Variants in KCNA2 observed in about 807,000 individuals in gnomAD.
KCNA2 encodes the protein potassium channel, voltage gated shaker related subfamily A, member 2.
In KCNA2, 11 loss-of-function variants were observed where a neutral mutation model predicts 33.4. That is an observed-to-expected ratio of 0.33 (90% CI 0.21 to 0.55). The LOEUF (loss-of-function observed/expected upper bound fraction) is 0.55. KCNA2 is among the 20% of genes least tolerant of loss of function. The pLI is 0.93. For missense variants in KCNA2, 291 were observed against 621.6 expected (o/e 0.47, Z 5.66); for synonymous variants, 222 against 231.3 (o/e 0.96, Z 0.37).
chr1:110,617,246 A>G (rs1369606139), intron 1 of KCNA2, among the ~76,000 whole-genome samples: 2 of 152,210 alleles, frequency 1.3e-5, no homozygotes, highest in Admixed American at 1.3e-4. Flanking sequence ...AAATACCCAA[A>G]TGGGTGAGTG....
rs200181637 is a variant in KCNA2 at position 110,603,247 on chromosome 1, G to C, written c.*36C>G. ...AGGCTATTATGCAACATCTGCATTA[G>C]TTCCATTGAGCTGTGAGTACGGTAA... On this transcript the variant is annotated 3_prime_UTR_variant, in exon 3 of 3. Transcript: ENST00000316361. This position sits in a 1 kb window ranked among gnomAD's most constrained non-coding sequence, Gnocchi z 5.7. 79 of 1,564,892 alleles carry C rather than the reference G, an allele frequency of 5.0e-5. No individual in the cohort carries two copies. The African/African-American group carries it at 9.9e-4, about 20-fold the overall frequency.
At position 110,624,213 on chromosome 1, in the gene KCNA2, T is replaced by A. The variant is rs143401039; in HGVS notation, c.-496+7182A>T. Among the ~76,000 whole-genome samples, 1,511 of 152,346 alleles carry A rather than the reference T, an allele frequency of 9.9e-3. 32 individuals carry two copies. The highest frequency in any genetic ancestry group is 0.035 in the African/African-American group (1,443 of 41,574). On this transcript the variant is annotated intron_variant, in intron 1 of 4. Coordinates refer to the KCNA2 transcript ENST00000369770. ...ATGAGAATACTTATAGCAGGAATAG[T>A]CAATATAGCTAGAAACAGAAAGGAA...
In KCNA2 at chr1:110,603,487, C is replaced by T; in HGVS notation, c.1296G>A (p.Val432=). The T allele has an allele frequency of 6.2e-7, 1 of 1,614,016 alleles. No individual in the cohort carries two copies. Among genetic ancestry groups the T allele is most frequent in the South Asian group, 1.1e-5 (1 of 91,038 alleles). ...AGGATGGGATCTTTGGACAGCTTGT[C>T]ACTTGCAAGTATTGGGCCTGTTCCT... ...EGEEQAQYLQ[V]TSCPKIPSSP... The change falls in exon 3 of 3, where the codon GTG becomes GTA. Residue 432 remains valine (V), a synonymous_variant. Coordinates refer to ENST00000316361, the MANE Select transcript of KCNA2 (RefSeq NM_004974.4). This position sits in a 1 kb window ranked among gnomAD's most constrained non-coding sequence, Gnocchi z 5.7.
chr1:110,616,810 A>G (rs979671961), intron 1 of KCNA2, among the ~76,000 whole-genome samples: 2 of 152,248 alleles, frequency 1.3e-5, no homozygotes, highest in Non-Finnish European at 2.9e-5. Flanking sequence ...TGTGGGGGAC[A>G]CACAGAGCGT....
upstream of KCNA2, among the ~76,000 whole-genome samples, chr1:110,610,195 C>T (rs1371027586): frequency 2.0e-5 from 3 of 152,238 alleles, no homozygotes; most frequent in African/African-American, 7.2e-5. Flanking sequence ...GCTGTGGTGG[C>T]TGTCACAGTG....
In KCNA2 at chr1:110,595,579, G is replaced by C; in HGVS notation, c.*7704C>G. On this transcript the variant is annotated 3_prime_UTR_variant, in exon 3 of 3. Transcript: ENST00000316361. ...AGTCAAATGCAAGAGGTGAGGCTGA[G>C]AGAAACTGTCTTCCATGGATCTAAC... The C allele has an allele frequency of 1.0e-6, 1 of 985,482 alleles. No homozygotes were observed. Among genetic ancestry groups the C allele is most frequent in the Non-Finnish European group, 1.2e-6 (1 of 829,986 alleles). 61.0% of individuals were successfully genotyped at this position (985,482 alleles called of 1,614,324 possible).
chr1:110,612,750 A>G (rs1307031891), intron 1 of KCNA2, among the ~76,000 whole-genome samples: 3 of 152,172 alleles, frequency 2.0e-5, no homozygotes, highest in African/African-American at 7.2e-5. Context: ...ATTTCCTAAA[A>G]AGCGAGCAAA....
intron 1 of KCNA2, among the ~76,000 whole-genome samples, chr1:110,626,517 G>A (rs1197201031): frequency 6.6e-6 from 1 of 152,104 alleles, no homozygotes; most frequent in Admixed American, 6.5e-5. Flanking sequence ...GGCGGAGTGA[G>A]AATGAGACAT....
Position 110,598,851 on chromosome 1 carries a change from AG to A in KCNA2, c.*4431del, listed in dbSNP as rs1348938913. On this transcript the variant is annotated 3_prime_UTR_variant, in exon 3 of 3. Transcript: ENST00000316361. ...CTTAATTAAATGTTGGCTCCTAAAA[AG>A]TTTACTCTGAAATTTGACCCACTCA... 2 of 985,190 alleles carry A rather than the reference AG, an allele frequency of 2.0e-6. No individual in the cohort carries two copies. Among genetic ancestry groups the A allele is most frequent in the African/African-American group, 3.5e-5 (2 of 57,198 alleles). The allele number at this position is 985,190 out of a possible 1,614,324, so 61.0% of individuals were successfully genotyped here.
Position 110,605,200 on chromosome 1 carries a change from C to G in KCNA2, c.-164+191G>C, listed in dbSNP as rs192957140. On this transcript the variant is annotated intron_variant, in intron 2 of 2. Coordinates refer to ENST00000316361, the MANE Select transcript of KCNA2 (RefSeq NM_004974.4). ...CTGGTACAGGCCCGCTTGTAGCACACAGGCTTCATGGAGCATAACCCCATG... is the reference window on the plus strand; with the variant it reads ...CTGGTACAGGCCCGCTTGTAGCACAGAGGCTTCATGGAGCATAACCCCATG... 3.3e-3 allele frequency among the ~76,000 whole-genome samples: 504 copies of G among 152,322 alleles called. 14 individuals carry two copies. Among genetic ancestry groups the G allele is most frequent in the Non-Finnish European group, 7.6e-4 (52 of 68,026 alleles).
At chr1:110,618,152 T>C (rs1363611486) in intron 1 of KCNA2, among the ~76,000 whole-genome samples, 1 of 152,100 alleles carries the variant, frequency 6.6e-6, no homozygotes, top group Non-Finnish European at 1.5e-5. Flanking sequence ...AACCAGCTTG[T>C]GCAACATAGT....
At chr1:110,625,158 C>T (rs1650358720) in intron 1 of KCNA2, among the ~76,000 whole-genome samples, 1 of 152,232 alleles carries the variant, frequency 6.6e-6, no homozygotes, top group Non-Finnish European at 1.5e-5. Context: ...TACCTTCAGT[C>T]AGCTTCCCCT....
At chr1:110,618,516 G>A (rs953364898) in intron 1 of KCNA2, among the ~76,000 whole-genome samples, 2 of 152,082 alleles carry the variant, frequency 1.3e-5, no homozygotes, top group Non-Finnish European at 2.9e-5. Context: ...CTTTCCTTTC[G>A]GAGGTAGGAT....
At chr1:110,626,658 C>G (rs1417485602) in intron 1 of KCNA2, among the ~76,000 whole-genome samples, 3 of 152,154 alleles carry the variant, frequency 2.0e-5, no homozygotes, top group Admixed American at 6.5e-5. Flanking sequence ...TATACACAAC[C>G]ATGTTGAAGT....
chr1:110,613,797 C>T (rs183419823), intron 1 of KCNA2, among the ~76,000 whole-genome samples: 251 of 152,286 alleles, frequency 1.6e-3, no homozygotes, highest in Non-Finnish European at 2.8e-3. Flanking sequence ...GCAAGAACCA[C>T]GGTTTGAACT....
In KCNA2 at chr1:110,596,501, C is replaced by T. The variant is rs1009482770; in HGVS notation, c.*6782G>A. On this transcript the variant is annotated 3_prime_UTR_variant, in exon 3 of 3. Coordinates refer to ENST00000316361, the MANE Select transcript of KCNA2 (RefSeq NM_004974.4). ...GGGCTCCGATGAGCCAGGATGTGCC[C>T]CAGTGGCCCATTTCCAGGCCTGTCT... 1.1e-5 allele frequency: 2 copies of T among 176,212 alleles called. No homozygotes were observed. The highest frequency in any genetic ancestry group is 2.4e-5 in the African/African-American group (1 of 41,870). The allele number at this position is 176,212 out of a possible 1,614,324, so 10.9% of individuals were successfully genotyped here.
chr1:110,606,447 C>A (rs1451640655), upstream of KCNA2: 4 of 152,212 alleles, frequency 2.6e-5, no homozygotes, highest in Non-Finnish European at 5.9e-5. Flanking sequence ...GGCCCCCTGC[C>A]GACCCAATCC....
At chr1:110,628,586 G>A (rs1006092127) in intron 1 of KCNA2, among the ~76,000 whole-genome samples, 4 of 152,180 alleles carry the variant, frequency 2.6e-5, no homozygotes, top group Admixed American at 6.5e-5. Context: ...TGCCTGATGG[G>A]GGCCTTGTCC....
In KCNA2 at chr1:110,598,896, CA is replaced by C; in HGVS notation, c.*4386del. 1 of 985,430 alleles carries C rather than the reference CA, an allele frequency of 1.0e-6. No individual in the cohort carries two copies. Among genetic ancestry groups the C allele is most frequent in the Non-Finnish European group, 1.2e-6 (1 of 829,922 alleles). The allele number at this position is 985,430 out of a possible 1,614,324, so 61.0% of individuals were successfully genotyped here. Reference sequence around the variant, plus strand: ...CCACTCAGCCACTCTCTCTTCCTGACAATCTCTCCACCTTTCCTGGGCCTAT... The same window carrying C: ...CCACTCAGCCACTCTCTCTTCCTGACATCTCTCCACCTTTCCTGGGCCTAT... On this transcript the variant is annotated 3_prime_UTR_variant, in exon 3 of 3. Coordinates refer to ENST00000316361, the MANE Select transcript of KCNA2 (RefSeq NM_004974.4).
Sources: gnomAD v4.1 joint callset for allele counts (sites outside exome capture counted in the v4.1 genomes callset) on GRCh38, gnomAD v4.1.1 for gene constraint, Gnocchi (gnomAD v3.1) non-coding constraint, MANE v1.5 for transcripts, NCBI Gene and HGNC (gene_info 2026-07-23, HGNC 2026-07-21) for gene names.